The following TMCC1 variants were observed in gnomAD, a reference collection of about 807,000 sequenced individuals.
TMCC1 encodes transmembrane and coiled-coil domains protein 1.
In TMCC1, 15 loss-of-function variants were observed where a neutral mutation model predicts 52.4. That is an observed-to-expected ratio of 0.29 (90% CI 0.19 to 0.44). TMCC1 has a LOEUF of 0.44. Ranked by LOEUF, TMCC1 falls within the 20% of genes least tolerant of loss-of-function variation. TMCC1 has a pLI of 1.00. For synonymous variants in TMCC1, 279 were observed against 301.9 expected, an observed-to-expected ratio of 0.92 and a Z score of 0.79; for missense variants, 503 against 806.0, an observed-to-expected ratio of 0.62 and a Z score of 4.55.
intron 1 of TMCC1, among the ~76,000 whole-genome samples, chr3:129,881,098 A>G (rs1344655532): frequency 6.6e-6 from 1 of 151,970 alleles, no homozygotes; most frequent in Non-Finnish European, 1.5e-5. Flanking sequence ...TCCTGACCTC[A>G]TGATCCCCCT....
chr3:129,865,717 G>A (rs189978359), intron 2 of TMCC1, among the ~76,000 whole-genome samples: 150 of 152,232 alleles, frequency 9.9e-4, no homozygotes, highest in African/African-American at 3.4e-3. Flanking sequence ...GGGAAGACAT[G>A]TTTCAGAAGT....
intron 4 of TMCC1, among the ~76,000 whole-genome samples, chr3:129,793,193 T>C (rs921886475): frequency 2.0e-5 from 3 of 151,526 alleles, no homozygotes; most frequent in Non-Finnish European, 2.9e-5. Flanking sequence ...ACACACACCA[T>C]GGAGCAGGGG....
intron 4 of TMCC1, among the ~76,000 whole-genome samples, chr3:129,820,671 T>A (rs2066021130): frequency 6.6e-6 from 1 of 152,156 alleles, no homozygotes; most frequent in South Asian, 2.1e-4. Flanking sequence ...AGATTTGTGT[T>A]AAAGAAAGGC....
chr3:129,713,752 G>A (rs1214998204), intron 4 of TMCC1, among the ~76,000 whole-genome samples: 1 of 150,838 alleles, frequency 6.6e-6, no homozygotes, highest in Non-Finnish European at 1.5e-5. Context: ...AGAAAATGGA[G>A]TTTCTAGAAA....
rs371910273 is a variant in TMCC1, at chr3:129,739,455, G to A, written c.577-68191C>T. On this transcript the variant is annotated intron_variant, in intron 4 of 6. Transcript: ENST00000393238. ...GTGCTGAGATTGCGTGAGCCACTGC[G>A]CCTGGCCCACAGATGATTCTTATAA... Among the ~76,000 whole-genome samples the A allele has an allele frequency of 4.6e-5, 7 of 152,246 alleles. No individual in the cohort carries two copies. In the East Asian group the frequency reaches 1.4e-3, roughly 29 times the overall value.
chr3:129,871,267 G>A (rs2060915363), intron 2 of TMCC1, among the ~76,000 whole-genome samples: 1 of 150,872 alleles, frequency 6.6e-6, no homozygotes, highest in East Asian at 2.0e-4. Flanking sequence ...GGTGAGGCAG[G>A]AGAATTGCTT....
intron 2 of TMCC1, chr3:129,846,977 A>G (rs1007135797): frequency 6.6e-6 from 1 of 151,894 alleles, no homozygotes; most frequent in Non-Finnish European, 1.5e-5. Flanking sequence ...TGGGTAACAG[A>G]GCAAGATCCT....
At chr3:129,804,376 A>G (rs1475330904) in intron 4 of TMCC1, among the ~76,000 whole-genome samples, 5 of 152,216 alleles carry the variant, frequency 3.3e-5, no homozygotes, top group African/African-American at 1.2e-4. Flanking sequence ...ATTATATCAT[A>G]TGTTCTTAAC....
At chr3:129,859,229 G>T (rs1392793400) in intron 2 of TMCC1, among the ~76,000 whole-genome samples, 1 of 152,092 alleles carries the variant, frequency 6.6e-6, no homozygotes, top group Non-Finnish European at 1.5e-5. Flanking sequence ...TTTCACTATA[G>T]AAACATTTTT....
At position 129,760,436 on chromosome 3, in the gene TMCC1, T is replaced by TG. The variant is rs1560352767; in HGVS notation, c.576+67366_576+67367insC. 5.7e-3 allele frequency among the ~76,000 whole-genome samples: 648 copies of TG among 113,968 alleles called. 5 individuals are homozygous for TG. Among genetic ancestry groups the TG allele is most frequent in the Admixed American group, 8.2e-3 (82 of 9,946 alleles). The allele number at this position is 113,968 out of a possible 152,430, so 74.8% of individuals were successfully genotyped here. A position where few individuals can be genotyped will look rare whatever the true frequency, so the allele number is the denominator to read the frequency against. ...TGTGTGTGTGTGTGTGTGTGTGTGTTTTTGAGACAGTCTCGCTCTGTGTGT... is the reference window on the plus strand; with the variant it reads ...TGTGTGTGTGTGTGTGTGTGTGTGTTGTTTGAGACAGTCTCGCTCTGTGTGT... On this transcript the variant is annotated intron_variant, in intron 4 of 6. Coordinates refer to ENST00000393238, the MANE Select transcript of TMCC1 (RefSeq NM_001017395.5).
intron 4 of TMCC1, among the ~76,000 whole-genome samples, chr3:129,776,344 A>G (rs1442615304): frequency 6.6e-6 from 1 of 152,246 alleles, no homozygotes; most frequent in Non-Finnish European, 1.5e-5. Flanking sequence ...TAAATAAGTG[A>G]ATAAAATGTA....
intron 4 of TMCC1, among the ~76,000 whole-genome samples, chr3:129,783,073 GAT>G (rs1455109145): frequency 5.9e-5 from 9 of 152,270 alleles, no homozygotes; most frequent in Middle Eastern, 3.4e-3. Flanking sequence ...AAGCCAAACA[GAT>G]ATATGTTTTT....
At chr3:129,789,102 C>T (rs2056263202) in intron 4 of TMCC1, among the ~76,000 whole-genome samples, 1 of 152,082 alleles carries the variant, frequency 6.6e-6, no homozygotes, top group Non-Finnish European at 1.5e-5. Flanking sequence ...TATGTCCTTC[C>T]ATTATTTGAA....
At chr3:129,805,161 T>TTATG (rs2057394322) in intron 4 of TMCC1, among the ~76,000 whole-genome samples, 1 of 152,048 alleles carries the variant, frequency 6.6e-6, no homozygotes, top group South Asian at 2.1e-4. Flanking sequence ...TTTTATTTAT[T>TTATG]TATTTATTTA....
At chr3:129,780,479 C>T (rs1302736785) in intron 4 of TMCC1, among the ~76,000 whole-genome samples, 1 of 152,018 alleles carries the variant, frequency 6.6e-6, no homozygotes, top group Non-Finnish European at 1.5e-5. Context: ...TCCACTATTA[C>T]CTCTAAGTTA....
At chr3:129,764,878 G>A (rs1406465372) in intron 4 of TMCC1, among the ~76,000 whole-genome samples, 1 of 137,200 alleles carries the variant, frequency 7.3e-6, no homozygotes. Flanking sequence ...AATAGCTAAT[G>A]CAGCCCTCAA....
intron 1 of TMCC1, among the ~76,000 whole-genome samples, chr3:129,880,894 G>C (rs1256429263): frequency 1.7e-5 from 2 of 120,020 alleles, no homozygotes; most frequent in Admixed American, 1.9e-4. Context: ...ACAGAGTTTT[G>C]CTCTTGTTGC....
chr3:129,684,680 T>C (rs1252185135), intron 4 of TMCC1, among the ~76,000 whole-genome samples: 1 of 152,146 alleles, frequency 6.6e-6, no homozygotes, highest in Non-Finnish European at 1.5e-5. Context: ...TTCTGATAAA[T>C]TACAAATAAA....
intron 4 of TMCC1, among the ~76,000 whole-genome samples, chr3:129,684,500 C>T (rs1171293053): frequency 6.6e-6 from 1 of 152,056 alleles, no homozygotes; most frequent in African/African-American, 2.4e-5. Context: ...CAAAAATTAC[C>T]TGATCTTAAA....
Sources: gnomAD v4.1 joint callset for allele counts (sites outside exome capture counted in the v4.1 genomes callset) on GRCh38, gnomAD v4.1.1 for gene constraint, MANE v1.5 for transcripts, NCBI Gene and HGNC (gene_info 2026-07-23, HGNC 2026-07-21) for gene names.